The following MAPK10 variants were observed in gnomAD, a reference collection of about 807,000 sequenced individuals.
The protein encoded by MAPK10 is mitogen-activated protein kinase 10.
Under a neutral mutation model 59.3 loss-of-function variants are expected in MAPK10, and 25 were observed. The ratio of observed to expected loss-of-function variants is 0.42; its 90% CI spans 0.31 to 0.59. MAPK10 has a LOEUF of 0.59. MAPK10 is among the 20% of genes least tolerant of loss of function. MAPK10 has a pLI of 0.15. For synonymous variants in MAPK10, 190 were observed against 200.5 expected (o/e 0.95, Z 0.44); for missense variants, 351 against 568.9 (o/e 0.62, Z 3.90).
chr4:86,567,587 G>A (rs61235403), intron 1 of MAPK10, among the ~76,000 whole-genome samples: 2 of 152,216 alleles, frequency 1.3e-5, no homozygotes, highest in African/African-American at 4.8e-5. Context: ...TTTGGGTAAT[G>A]GTATGACTGA....
intron 1 of MAPK10, among the ~76,000 whole-genome samples, chr4:86,487,117 T>C (rs1754055161): frequency 6.6e-6 from 1 of 152,188 alleles, no homozygotes; most frequent in Non-Finnish European, 1.5e-5. Flanking sequence ...CAGGATCCTA[T>C]GCTGGATTCT....
chr4:86,554,960 GTCT>G (rs1207422098), intron 1 of MAPK10, among the ~76,000 whole-genome samples: 2 of 152,054 alleles, frequency 1.3e-5, no homozygotes, highest in Admixed American at 1.3e-4. Context: ...TGCAAATTTT[GTCT>G]TCTTTTCTTC....
Position 86,016,251 on chromosome 4 carries a change from C to G in MAPK10, c.*977G>C, listed in dbSNP as rs1244193934. The G allele has an allele frequency of 6.6e-6, 1 of 152,222 alleles. No homozygotes were observed. 9.4% of individuals were successfully genotyped at this position (152,222 alleles called of 1,614,324 possible). A position where few individuals can be genotyped will look rare whatever the true frequency, so the allele number is the denominator to read the frequency against. On this transcript the variant is annotated 3_prime_UTR_variant, in exon 14 of 14. Coordinates refer to ENST00000641462, the MANE Select transcript of MAPK10 (RefSeq NM_138982.4). ...GACAAATGGGTATAGAGCCAAATCT[C>G]TAAAACAGGGACACCAGTGTCTCCT...
intron 1 of MAPK10, among the ~76,000 whole-genome samples, chr4:86,401,714 C>T (rs1209639808): frequency 6.6e-6 from 1 of 151,976 alleles, no homozygotes; most frequent in African/African-American, 2.4e-5. Flanking sequence ...TTAAAGTTTC[C>T]ATTTTCTCAT....
chr4:86,510,002 C>G (rs188567140), intron 1 of MAPK10, among the ~76,000 whole-genome samples: 13 of 152,242 alleles, frequency 8.5e-5, no homozygotes, highest in African/African-American at 3.1e-4. Context: ...CTTAAGAAAT[C>G]CTATTCGGAT....
At chr4:86,363,657 ACT>A (rs1382269473), upstream of MAPK10, among the ~76,000 whole-genome samples, 2 of 152,126 alleles carry the variant, frequency 1.3e-5, no homozygotes, top group African/African-American at 4.8e-5. Flanking sequence ...TTTGAAATTT[ACT>A]CTCTTAGTTG....
At chr4:86,345,842 A>C (rs1727848259) in intron 2 of MAPK10, among the ~76,000 whole-genome samples, 1 of 152,222 alleles carries the variant, frequency 6.6e-6, no homozygotes, top group Non-Finnish European at 1.5e-5. Context: ...ATTTATTCAA[A>C]TGTGGTTTTA....
At chr4:86,464,599 A>T (rs1752028907) in intron 1 of MAPK10, among the ~76,000 whole-genome samples, 1 of 152,176 alleles carries the variant, frequency 6.6e-6, no homozygotes, top group South Asian at 2.1e-4. Context: ...AGGCAGGCAG[A>T]TCACGAGGTC....
chr4:86,354,848 T>C (rs1008674591), intron 1 of MAPK10, among the ~76,000 whole-genome samples: 1 of 152,184 alleles, frequency 6.6e-6, no homozygotes, highest in Non-Finnish European at 1.5e-5. Flanking sequence ...GAACAACTAT[T>C]TTAATATCTG....
Position 86,274,028 on chromosome 4 carries a change from C to T in MAPK10, c.-6-79621G>A, listed in dbSNP as rs373264081. ...GATTTAGCTATTAAAGGGTAAAATA[C>T]ATTTCACAATAATTATAAGTTAGAA... is the stretch of plus-strand genomic sequence containing the variant. On this transcript the variant is annotated intron_variant, in intron 2 of 13. Coordinates refer to ENST00000641462, the MANE Select transcript of MAPK10 (RefSeq NM_138982.4). Among the ~76,000 whole-genome samples, 280 of 152,068 alleles carry T rather than the reference C, an allele frequency of 1.8e-3. 4 individuals are homozygous for T. In the South Asian group the frequency reaches 0.032, roughly 17 times the overall value.
In MAPK10 at chr4:86,258,807, C is replaced by G. The variant is rs2093866122; in HGVS notation, c.-6-64400G>C. On this transcript the variant is annotated intron_variant, in intron 2 of 13. Transcript: ENST00000641462. Reference sequence around the variant, plus strand: ...CAAGTCTTTGCTAAAATGCCAGCTTCTTGGTGAGACTTACCTAACCAGACT... The same window carrying G: ...CAAGTCTTTGCTAAAATGCCAGCTTGTTGGTGAGACTTACCTAACCAGACT... Among the ~76,000 whole-genome samples the G allele has an allele frequency of 2.0e-5, 3 of 152,176 alleles. No homozygotes were observed. In the South Asian group the frequency reaches 6.2e-4, roughly 32 times the overall value.
intron 2 of MAPK10, among the ~76,000 whole-genome samples, chr4:86,344,652 G>A (rs1394492914): frequency 6.6e-6 from 1 of 151,788 alleles, no homozygotes; most frequent in Non-Finnish European, 1.5e-5. Context: ...AAGGGAAGCA[G>A]GGAATATGAG....
chr4:86,503,805 A>T (rs114907219), intron 1 of MAPK10, among the ~76,000 whole-genome samples: 203 of 152,228 alleles, frequency 1.3e-3, no homozygotes, highest in African/African-American at 4.7e-3. Context: ...GCAAGATCCT[A>T]TATAATATGG....
At chr4:86,155,426 C>G (rs532668013) in intron 4 of MAPK10, among the ~76,000 whole-genome samples, 1 of 151,324 alleles carries the variant, frequency 6.6e-6, no homozygotes, top group Non-Finnish European at 1.5e-5. Flanking sequence ...ACTAACCCAC[C>G]GGATTAATAT....
At chr4:86,238,145 A>G (rs2092421808) in intron 2 of MAPK10, among the ~76,000 whole-genome samples, 1 of 152,188 alleles carries the variant, frequency 6.6e-6, no homozygotes. Context: ...GTTGAAGATC[A>G]GATGGTTGTA....
intron 1 of MAPK10, among the ~76,000 whole-genome samples, chr4:86,474,967 G>A (rs553220190): frequency 3.6e-4 from 55 of 152,250 alleles, no homozygotes; most frequent in Non-Finnish European, 4.3e-4. Context: ...ATTACCTTGT[G>A]AAATTCCTTC....
chr4:86,366,842 C>A (rs1737986202), intron 1 of MAPK10, among the ~76,000 whole-genome samples: 1 of 152,088 alleles, frequency 6.6e-6, no homozygotes, highest in Non-Finnish European at 1.5e-5. Flanking sequence ...GGTCTCTTGT[C>A]AAAAGAGGTC....
At chr4:86,162,509 G>A (rs2070127796) in intron 3 of MAPK10, among the ~76,000 whole-genome samples, 1 of 152,014 alleles carries the variant, frequency 6.6e-6, no homozygotes, top group South Asian at 2.1e-4. Context: ...AGGTTGTGAT[G>A]GTCTTGGCGC....
At chr4:86,028,475 C>T (rs1237179829) in intron 13 of MAPK10, 1 of 152,080 alleles carries the variant, frequency 6.6e-6, no homozygotes, top group Non-Finnish European at 1.5e-5. Context: ...GAAAACAACA[C>T]CCTAATCAGT....
Sources: allele counts gnomAD v4.1 joint callset (sites outside exome capture counted in the v4.1 genomes callset), GRCh38; gene constraint gnomAD v4.1.1; transcripts MANE v1.5; gene names NCBI Gene and HGNC (gene_info 2026-07-23, HGNC 2026-07-21).